SEC23B: variants seen among roughly 807,000 people sequenced by gnomAD.
SEC23B encodes the protein protein transport protein Sec23B.
A neutral mutation model predicts 104.3 loss-of-function variants in SEC23B; 77 were observed. The ratio of observed to expected loss-of-function variants is 0.74; its 90% CI spans 0.61 to 0.89. SEC23B has a LOEUF of 0.89. SEC23B is among the 40% of genes least tolerant of loss of function. SEC23B has a pLI of 0.00. For synonymous variants in SEC23B, 338 were observed against 332.5 expected, an observed-to-expected ratio of 1.02 and a Z score of -0.18; for missense variants, 885 against 949.4, an observed-to-expected ratio of 0.93 and a Z score of 0.89.
chr20:18,546,304 A>C (rs1216380024), intron 15 of SEC23B, among the ~76,000 whole-genome samples: 3 of 152,210 alleles, frequency 2.0e-5, no homozygotes, highest in Non-Finnish European at 2.9e-5. Context: ...CGTAAAAAAT[A>C]TCTCTCATGT....
chr20:18,508,627 G>A (rs897106751), intron 1 of SEC23B, among the ~76,000 whole-genome samples: 1 of 151,860 alleles, frequency 6.6e-6, no homozygotes, highest in South Asian at 2.1e-4. Flanking sequence ...CCAGACCCTA[G>A]AAGGGTGAGG....
chr20:18,513,474 G>A (rs967437460), intron 3 of SEC23B, among the ~76,000 whole-genome samples: 1 of 152,106 alleles, frequency 6.6e-6, no homozygotes. Flanking sequence ...TTTATGTTGC[G>A]TAAACTATAC....
chr20:18,521,069 G>A (rs1370413443), intron 4 of SEC23B, among the ~76,000 whole-genome samples: 3 of 152,146 alleles, frequency 2.0e-5, no homozygotes. Context: ...AAGCTCCTGC[G>A]GGAGGAGGTT....
chr20:18,554,220 T>C lies in SEC23B; in HGVS notation c.1993-15T>C. On this transcript the variant is annotated splice_polypyrimidine_tract_variant and intron_variant, in intron 17 of 19. Coordinates refer to ENST00000650089, the MANE Select transcript of SEC23B (RefSeq NM_006363.6). The stretch of plus-strand genomic sequence containing the variant: ...CAGTTTCCACAATAGTTTTGGTTGG[T>C]TTGTTTCTGTGTAGACCATAGCCCA... 6.2e-7 allele frequency: 1 copy of C among 1,614,112 alleles called. No homozygotes were observed. Among genetic ancestry groups the C allele is most frequent in the South Asian group, 1.1e-5 (1 of 91,070 alleles).
intron 4 of SEC23B, among the ~76,000 whole-genome samples, chr20:18,520,936 C>CT (rs1211357965): frequency 6.6e-6 from 1 of 152,030 alleles, no homozygotes; most frequent in Non-Finnish European, 1.5e-5. Context: ...CTGGGAGTGG[C>CT]TGCTTGGTGA....
At chr20:18,534,413 G>T (rs1347323198) in intron 11 of SEC23B, among the ~76,000 whole-genome samples, 1 of 152,152 alleles carries the variant, frequency 6.6e-6, no homozygotes, top group Non-Finnish European at 1.5e-5. Context: ...TGGGTTAAAG[G>T]TGTGTTTACA....
intron 11 of SEC23B, among the ~76,000 whole-genome samples, chr20:18,533,025 C>CA (rs2060200326): frequency 6.6e-6 from 1 of 152,206 alleles, no homozygotes; most frequent in African/African-American, 2.4e-5. Context: ...CTGACTCCAC[C>CA]ACCCATGGTC....
intron 19 of SEC23B, 58 bp from the exon 20 acceptor site, chr20:18,560,593 A>G: frequency 7.2e-7 from 1 of 1,380,322 alleles, no homozygotes; most frequent in African/African-American, 1.4e-5. Context: ...TTGACAGCTC[A>G]TGAATTCTAA....
At chr20:18,526,997 C>G in intron 8 of SEC23B, among the ~76,000 whole-genome samples, 1 of 152,228 alleles carries the variant, frequency 6.6e-6, no homozygotes, top group East Asian at 1.9e-4. Flanking sequence ...GGGCGGATCA[C>G]TTGAGGTCAG....
chr20:18,533,509 T>G (rs905359759), intron 11 of SEC23B, among the ~76,000 whole-genome samples: 1 of 152,194 alleles, frequency 6.6e-6, no homozygotes, highest in African/African-American at 2.4e-5. Context: ...GCTCTGTGAT[T>G]CAGTATCCTT....
rs2060117987 is a variant in SEC23B, at chr20:18,524,633, C to T, written c.567C>T (p.Phe189=). 1.2e-6 allele frequency: 2 copies of T among 1,614,164 alleles called. No homozygotes were observed. The highest frequency in any genetic ancestry group is 2.2e-5 in the East Asian group (1 of 44,880). Reference sequence around the variant, plus strand: ...AAGGAATCTCCAAAAGTTATGTCTTCCGAGGGACCAAGGATTTAACTGCAA... The same window carrying T: ...AAGGAATCTCCAAAAGTTATGTCTTTCGAGGGACCAAGGATTTAACTGCAA... ...SCEGISKSYV[F]RGTKDLTAKQ... Residue 189 remains phenylalanine, a synonymous_variant, in exon 5 of 20, where the codon TTC becomes TTT. Coordinates refer to ENST00000650089, the MANE Select transcript of SEC23B (RefSeq NM_006363.6).
intron 12 of SEC23B, among the ~76,000 whole-genome samples, chr20:18,537,507 G>A (rs2060244260): frequency 6.6e-6 from 1 of 151,930 alleles, no homozygotes; most frequent in Non-Finnish European, 1.5e-5. Flanking sequence ...AACACCGCAT[G>A]TTCTCACTCA....
intron 12 of SEC23B, among the ~76,000 whole-genome samples, chr20:18,538,810 C>G (rs1266919778): frequency 1.3e-5 from 2 of 152,132 alleles, no homozygotes; most frequent in African/African-American, 4.8e-5. Flanking sequence ...AAATGACTTT[C>G]TTTGCTTATG....
chr20:18,536,618 G>A (rs919120711), intron 12 of SEC23B, among the ~76,000 whole-genome samples: 2 of 151,982 alleles, frequency 1.3e-5, no homozygotes, highest in Non-Finnish European at 2.9e-5. Context: ...CGTGAACCCA[G>A]GAGGCAGAGC....
Position 18,524,434 on chromosome 20 carries a change from G to A in SEC23B, c.368G>A (p.Arg123Gln), listed in dbSNP as rs1365121503. The stretch of plus-strand genomic sequence containing the variant: ...TATGCTGTTTTTCTTTGCCCAAAGC[G>A]AGGTGCTCAGTCCCCTCTGATCTTT... The part of the protein sequence containing the change: ...QFSTIEYVIQ[R>Q]GAQSPLIFLY... The change falls in exon 5 of 20, where the codon CGA becomes CAA. Residue 123 changes from arginine (R) to glutamine (Q), a missense_variant and splice_region_variant. Physicochemically the swap from Arg to Gln is conservative, Grantham distance 43. Coordinates refer to ENST00000650089, the MANE Select transcript of SEC23B (RefSeq NM_006363.6). The A allele has an allele frequency of 2.5e-6, 4 of 1,612,086 alleles. No homozygotes were observed. The African/African-American group carries it at 4.0e-5, about 16-fold the overall frequency.
At chr20:18,519,570 G>A (rs912429041) in intron 4 of SEC23B, among the ~76,000 whole-genome samples, 2 of 152,116 alleles carry the variant, frequency 1.3e-5, no homozygotes, top group Non-Finnish European at 2.9e-5. Flanking sequence ...TAAGAATTCC[G>A]ACTGTACAGC....
chr20:18,520,154 C>T (rs972718715), intron 4 of SEC23B, among the ~76,000 whole-genome samples: 2 of 152,008 alleles, frequency 1.3e-5, no homozygotes, highest in Non-Finnish European at 2.9e-5. Context: ...GGTTTGGCAC[C>T]AAGGGGTGGA....
intron 19 of SEC23B, among the ~76,000 whole-genome samples, chr20:18,555,637 C>A (rs2122179287): frequency 6.6e-6 from 1 of 152,208 alleles, no homozygotes; most frequent in South Asian, 2.1e-4. Context: ...TCAGATGAGT[C>A]TTTCCTTTCA....
At chr20:18,516,535 T>C (rs1233697764) in intron 4 of SEC23B, among the ~76,000 whole-genome samples, 1 of 18,834 alleles carries the variant, frequency 5.3e-5, no homozygotes, top group Non-Finnish European at 3.6e-4. Context: ...TTTTGGGCTC[T>C]TTTTTTTTTC....
Sources: gnomAD v4.1 joint callset for allele counts (sites outside exome capture counted in the v4.1 genomes callset) on GRCh38, gnomAD v4.1.1 for gene constraint, MANE v1.5 for transcripts, NCBI Gene and HGNC (gene_info 2026-07-23, HGNC 2026-07-21) for gene names.